Variants in DSCAM observed in about 807,000 individuals in gnomAD.
DSCAM encodes DS cell adhesion molecule, also known as cell adhesion molecule DSCAM.
DSCAM carries 47 observed loss-of-function variants against 217.7 expected under a neutral mutation model. The observed-to-expected ratio is 0.22, with a 90% CI of 0.17 to 0.28. DSCAM has a LOEUF of 0.28. DSCAM is among the 10% of genes least tolerant of loss of function. The pLI is 1.00. For missense variants in DSCAM, 2,080 were observed against 2,618.3 expected, an observed-to-expected ratio of 0.79 and a Z score of 4.49; for synonymous variants, 1,056 against 1,015.3, an observed-to-expected ratio of 1.04 and a Z score of -0.76.
chr21:40,147,074 T>G (rs1423895168), intron 16 of DSCAM, among the ~76,000 whole-genome samples: 1 of 152,252 alleles, frequency 6.6e-6, no homozygotes, highest in Non-Finnish European at 1.5e-5. Flanking sequence ...TATTATTTTT[T>G]AAATGAGATT....
At chr21:40,086,632 G>A (rs1452109055) in intron 22 of DSCAM, among the ~76,000 whole-genome samples, 1 of 150,280 alleles carries the variant, frequency 6.7e-6, no homozygotes, top group Non-Finnish European at 1.5e-5. Flanking sequence ...AAGTTATATG[G>A]ACAGACCATA....
chr21:40,785,397 T>C (rs745389969), intron 1 of DSCAM, among the ~76,000 whole-genome samples: 16 of 152,212 alleles, frequency 1.1e-4, no homozygotes, highest in Non-Finnish European at 1.9e-4. Context: ...AAAACTGCCT[T>C]TGTGGTCCCA....
intron 3 of DSCAM, among the ~76,000 whole-genome samples, chr21:40,415,642 T>C (rs1308733266): frequency 1.3e-5 from 2 of 152,196 alleles, no homozygotes; most frequent in Non-Finnish European, 2.9e-5. Context: ...TGGAGAAATC[T>C]GATCTGCAGA....
intron 32 of DSCAM, among the ~76,000 whole-genome samples, chr21:40,040,927 GAA>G (rs5741836): frequency 0.35 from 50,867 of 147,198 alleles, 8,783 homozygotes; most frequent in East Asian, 0.38. Flanking sequence ...CCAACAACAC[GAA>G]AAAAAAAAAA....
intron 3 of DSCAM, among the ~76,000 whole-genome samples, chr21:40,410,708 C>G (rs2075314960): frequency 6.6e-6 from 1 of 150,784 alleles, no homozygotes; most frequent in African/African-American, 2.4e-5. Flanking sequence ...TGGGGTGACA[C>G]TTGTAAAGTT....
Position 40,022,097 on chromosome 21 carries a change from C to G in DSCAM, c.5687-8711G>C, listed in dbSNP as rs548593427. Among the ~76,000 whole-genome samples, 8 of 152,220 alleles carry G rather than the reference C, an allele frequency of 5.3e-5. No homozygotes were observed. In the South Asian group the frequency reaches 1.7e-3, roughly 32 times the overall value. On this transcript the variant is annotated intron_variant, in intron 32 of 32. Coordinates refer to ENST00000400454, the MANE Select transcript of DSCAM (RefSeq NM_001389.5). ...AAAATGGATGTGCATTCCATTAATC[C>G]ATCATCAAACAATGGTTCTTGCTAT...
At chr21:40,261,840 C>G (rs1255064674) in intron 11 of DSCAM, among the ~76,000 whole-genome samples, 1 of 152,018 alleles carries the variant, frequency 6.6e-6, no homozygotes, top group African/African-American at 2.4e-5. Flanking sequence ...AATGGTAGTA[C>G]CTCTCCAAAA....
chr21:40,119,751 A>C (rs943752182), intron 20 of DSCAM, among the ~76,000 whole-genome samples: 37 of 152,000 alleles, frequency 2.4e-4, no homozygotes, highest in African/African-American at 8.7e-4. Context: ...AGTGACATGA[A>C]ATAGGGAGGG....
Position 40,276,085 on chromosome 21 carries a change from C to A in DSCAM, c.2356+12G>T. The A allele has an allele frequency of 6.5e-7, 1 of 1,546,986 alleles. No homozygotes were observed. Among genetic ancestry groups the A allele is most frequent in the Non-Finnish European group, 8.7e-7 (1 of 1,147,500 alleles). On this transcript the variant is annotated intron_variant, in intron 11 of 32. Transcript: ENST00000400454. Reference sequence around the variant, plus strand: ...TTAAACTAGGTAAAACGAAGCATTTCTTCTCTCTTACTTTTAACCGTGAGG... The same window carrying A: ...TTAAACTAGGTAAAACGAAGCATTTATTCTCTCTTACTTTTAACCGTGAGG...
At chr21:40,783,712 C>T (rs866930065) in intron 1 of DSCAM, among the ~76,000 whole-genome samples, 9 of 152,288 alleles carry the variant, frequency 5.9e-5, no homozygotes, top group Middle Eastern at 3.4e-3. Context: ...TCTTGGAAGA[C>T]GCTTTCAACT....
chr21:40,837,006 G>C (rs1406348874), intron 1 of DSCAM, among the ~76,000 whole-genome samples: 24 of 152,168 alleles, frequency 1.6e-4, no homozygotes, highest in Admixed American at 1.6e-3. Context: ...TGTTCTCCCT[G>C]ACCCAGAACA....
At chr21:40,517,053 C>T (rs1392308581) in intron 3 of DSCAM, among the ~76,000 whole-genome samples, 1 of 146,910 alleles carries the variant, frequency 6.8e-6, no homozygotes, top group Admixed American at 6.9e-5. Context: ...ACCTTATATA[C>T]TCTGTGTATA....
In DSCAM at chr21:40,339,378, CT is replaced by C; in HGVS notation, c.1247del (p.Lys416ArgfsTer3). 6.2e-7 allele frequency: 1 copy of C among 1,611,372 alleles called. No individual in the cohort carries two copies. The highest frequency in any genetic ancestry group is 8.5e-7 in the Non-Finnish European group (1 of 1,178,502). On this transcript the variant is annotated frameshift_variant, in exon 7 of 33. Transcript: ENST00000400454. LOFTEE classifies it high-confidence loss of function. ...TPKIISAFSE[K>X]VVSPAEPVSL... is the part of the protein sequence containing the mutation. ...AAACCGGCTCTGCTGGACTCACCACCTTTTCACTAAAGGCAGAAATAATTTT... is the reference window on the plus strand; with the variant it reads ...AAACCGGCTCTGCTGGACTCACCACCTTTCACTAAAGGCAGAAATAATTTT...
At chr21:40,258,406 G>A (rs375987154) in intron 11 of DSCAM, among the ~76,000 whole-genome samples, 104 of 152,288 alleles carry the variant, frequency 6.8e-4, no homozygotes, top group South Asian at 5.8e-3. Context: ...GCAAAATGAT[G>A]CCAAACCATA....
chr21:40,282,845 T>C (rs2073781177), intron 10 of DSCAM, among the ~76,000 whole-genome samples: 1 of 152,154 alleles, frequency 6.6e-6, no homozygotes, highest in Non-Finnish European at 1.5e-5. Flanking sequence ...GTCGTCTCAA[T>C]TAAATAGCAG....
chr21:40,771,058 G>A (rs904722802), intron 1 of DSCAM, among the ~76,000 whole-genome samples: 3 of 152,084 alleles, frequency 2.0e-5, no homozygotes, highest in Non-Finnish European at 4.4e-5. Flanking sequence ...CCAGGCTGCC[G>A]GACTCCAGGG....
Position 40,013,086 on chromosome 21 carries a change from CG to C in DSCAM, c.5986del (p.Arg1996GlyfsTer4). On this transcript the variant is annotated frameshift_variant, in exon 33 of 33. Transcript: ENST00000400454. LOFTEE classifies it high-confidence loss of function. ...AGGATTGTTTCCTTTCAAATGGCCC[CG>C]GGAGTCGAGCAGTGATTCTTGGGAG... ...SSSQESLLDS[R>X]GHLKGNNPYA... 6.3e-7 allele frequency: 1 copy of C among 1,579,716 alleles called. No homozygotes were observed. Among genetic ancestry groups the C allele is most frequent in the South Asian group, 1.2e-5 (1 of 85,236 alleles).
rs372994715 is a variant in DSCAM at position 40,225,306 on chromosome 21, C to T, written c.2357-36068G>A. Among the ~76,000 whole-genome samples the T allele has an allele frequency of 1.1e-3, 165 of 152,284 alleles. 1 individual carries two copies. Among genetic ancestry groups the T allele is most frequent in the African/African-American group, 3.9e-3 (161 of 41,572 alleles). ...CCTTGACCATCATTTCACGGCTGCA[C>T]CTTGCCCTTTGGACCAAGCCCATGA... On this transcript the variant is annotated intron_variant, in intron 11 of 32. Transcript: ENST00000400454.
chr21:40,191,711 C>T lies in DSCAM; in HGVS notation c.2357-2473G>A, dbSNP rs536165755. Among the ~76,000 whole-genome samples, 12 of 152,114 alleles carry T rather than the reference C, an allele frequency of 7.9e-5. No individual in the cohort carries two copies. The South Asian group carries it at 8.3e-4, about 11-fold the overall frequency. ...GGAGGCTGGAATTCCAAAATCAAGT[C>T]GACAACAGAGCCATGCTCCCTCTAA... On this transcript the variant is annotated intron_variant, in intron 11 of 32. Coordinates refer to ENST00000400454, the MANE Select transcript of DSCAM (RefSeq NM_001389.5).
Sources: gnomAD v4.1 joint callset for allele counts (sites outside exome capture counted in the v4.1 genomes callset) on GRCh38, gnomAD v4.1.1 for gene constraint, MANE v1.5 for transcripts, NCBI Gene and HGNC (gene_info 2026-07-23, HGNC 2026-07-21) for gene names.